The following TCTN1 variants were observed in gnomAD, a reference collection of about 807,000 sequenced individuals.
The protein encoded by TCTN1 is tectonic-1.
Under a neutral mutation model 65.8 loss-of-function variants are expected in TCTN1, and 58 were observed. The ratio of observed to expected loss-of-function variants is 0.88; its 90% CI spans 0.71 to 1.10. TCTN1 has a LOEUF of 1.10. Ranked by LOEUF, TCTN1 falls within the 50% of genes least tolerant of loss-of-function variation. The pLI, the probability that TCTN1 is intolerant of heterozygous loss-of-function variation, is 0.00. For synonymous variants in TCTN1, 273 were observed against 289.1 expected, an observed-to-expected ratio of 0.94 and a Z score of 0.57; for missense variants, 645 against 719.4, an observed-to-expected ratio of 0.90 and a Z score of 1.18.
chr12:110,619,768 TG>T, intron 1 of TCTN1, 67 bp from the exon 2 acceptor site: 1 of 1,610,122 alleles, frequency 6.2e-7, no homozygotes, highest in Non-Finnish European at 8.5e-7. Context: ...TGGTACACTG[TG>T]GTGGCAGGGG....
At chr12:110,646,782 T>A in intron 12 of TCTN1, 1 of 237,174 alleles carries the variant, frequency 4.2e-6, no homozygotes, top group South Asian at 5.2e-5. Flanking sequence ...CATTTTAACA[T>A]GACATGCAAT....
Position 110,641,898 on chromosome 12 carries a change from A to G in TCTN1, c.1190+271A>G, listed in dbSNP as rs1471706955. 2.3e-5 allele frequency: 13 copies of G among 555,188 alleles called. No individual in the cohort carries two copies. In the East Asian group the frequency reaches 3.3e-4, roughly 14 times the overall value. 34.4% of individuals were successfully genotyped at this position (555,188 alleles called of 1,614,324 possible). On this transcript the variant is annotated intron_variant, in intron 10 of 14. Coordinates refer to ENST00000397659, the MANE Select transcript of TCTN1 (RefSeq NM_001082538.3). ...ATCTCCTTTTTTTTTTCAGCCTGCC[A>G]TTAAGCCACAAAATATGTCAGTGTT...
intron 5 of TCTN1, among the ~76,000 whole-genome samples, chr12:110,634,047 G>T (rs1204616879): frequency 6.6e-6 from 1 of 152,158 alleles, no homozygotes; most frequent in Non-Finnish European, 1.5e-5. Flanking sequence ...CCCAAGAAAG[G>T]AGGAGCTGCT....
intron 11 of TCTN1, chr12:110,643,629 C>G (rs2067108334): frequency 6.6e-6 from 1 of 152,170 alleles, no homozygotes; most frequent in African/African-American, 2.4e-5. Flanking sequence ...CCCACATCTT[C>G]CCAGGGTCAT....
chr12:110,637,436 G>T (rs1427513025), intron 7 of TCTN1, among the ~76,000 whole-genome samples: 2 of 152,252 alleles, frequency 1.3e-5, no homozygotes, highest in East Asian at 3.8e-4. Context: ...ACACAACGGT[G>T]TGTGAGGCTG....
At chr12:110,624,847 G>A (rs12304823) in intron 2 of TCTN1, among the ~76,000 whole-genome samples, 2,889 of 152,310 alleles carry the variant, frequency 0.019, 76 homozygotes, top group African/African-American at 0.066. Context: ...CTCCCAAAGT[G>A]CTGGGATTAC....
At chr12:110,642,505 CATATAGT>C in intron 11 of TCTN1, 116 bp downstream of exon 11, 1 of 1,418,596 alleles carries the variant, frequency 7.0e-7, no homozygotes, top group Non-Finnish European at 9.9e-7. Flanking sequence ...ATGAAAGCCA[CATATAGT>C]ATATCATCAT....
At chr12:110,627,511 T>C (rs1386930181) in intron 3 of TCTN1, among the ~76,000 whole-genome samples, 1 of 152,248 alleles carries the variant, frequency 6.6e-6, no homozygotes, top group Non-Finnish European at 1.5e-5. Context: ...ATGCACATTT[T>C]CTTTAAAAGT....
chr12:110,644,917 G>C lies in TCTN1; in HGVS notation c.1332-50G>C. ...AGGAAGAAGAAAATGAAAAACTGCT[G>C]GTGGATGAACAACAGCCTCATTCAG... On this transcript the variant is annotated intron_variant, in intron 11 of 14. Transcript: ENST00000397659. The surrounding 1 kb of genome is among the most constrained non-coding windows in gnomAD (Gnocchi z 4.6). 1 of 1,610,958 alleles carries C rather than the reference G, an allele frequency of 6.2e-7. No homozygotes were observed. Among genetic ancestry groups the C allele is most frequent in the Non-Finnish European group, 8.5e-7 (1 of 1,177,376 alleles).
chr12:110,642,183 C>T (rs919555423), intron 10 of TCTN1, 66 bp from the exon 11 acceptor site: 4 of 1,607,624 alleles, frequency 2.5e-6, no homozygotes, highest in Non-Finnish European at 3.4e-6. Context: ...ACAAGTGACA[C>T]TGTCTTCTTA....
In TCTN1 at chr12:110,647,894, G is replaced by T; in HGVS notation, c.*1+1G>T. On this transcript the variant is annotated splice_donor_variant, in intron 14 of 14. Coordinates refer to ENST00000397659, the MANE Select transcript of TCTN1 (RefSeq NM_001082538.3). LOFTEE classifies it low-confidence loss of function (3UTR_SPLICE). ...AACTTCTTCTTCCCGTTTGTTTGAC[G>T]TAAGTGAGGAAACTACGCCCCTCCT... 1.9e-6 allele frequency: 3 copies of T among 1,613,174 alleles called. No homozygotes were observed. The South Asian group carries it at 3.3e-5, about 18-fold the overall frequency.
At chr12:110,632,651 T>C (rs1322953669) in intron 5 of TCTN1, 92 bp downstream of exon 5, 4 of 1,353,750 alleles carry the variant, frequency 3.0e-6, no homozygotes, top group Non-Finnish European at 4.2e-6. Flanking sequence ...TTAAAAGTAA[T>C]GACCAAAATC....
chr12:110,648,180 A>G lies in TCTN1; in HGVS notation c.*1+287A>G, dbSNP rs12313203. On this transcript the variant is annotated intron_variant, in intron 14 of 14. Transcript: ENST00000397659. ...GAGATGGGGTCTTGCTGTGTTGACC[A>G]GGCTGGTCTCAAACTCCTGGGCTCA... Among the ~76,000 whole-genome samples, 30,412 of 152,012 alleles carry G rather than the reference A, an allele frequency of 0.2. 3,334 individuals carry two copies. The highest frequency in any genetic ancestry group is 0.29 in the Admixed American group (4,356 of 15,264).
At chr12:110,626,077 TTTTCTTTCTTTC>T (rs1225125929) in intron 2 of TCTN1, among the ~76,000 whole-genome samples, 4 of 150,848 alleles carry the variant, frequency 2.7e-5, no homozygotes, top group Non-Finnish European at 4.4e-5. Flanking sequence ...ATGCTTTCTT[TTTTCTTTCTTTC>T]TTTCTTTTTT....
chr12:110,620,088 T>C, intron 2 of TCTN1, 132 bp downstream of exon 2: 7 of 1,372,692 alleles, frequency 5.1e-6, no homozygotes, highest in Non-Finnish European at 7.2e-6. Context: ...TCTGAAGCCA[T>C]ACCGTCCAAA....
In TCTN1 at chr12:110,641,528, G is replaced by A. The variant is rs2066951441; in HGVS notation, c.1105-14G>A. 3.7e-6 allele frequency: 6 copies of A among 1,611,544 alleles called. No individual in the cohort carries two copies. The highest frequency in any genetic ancestry group is 5.1e-6 in the Non-Finnish European group (6 of 1,177,602). The stretch of plus-strand genomic sequence containing the variant: ...ATGAGAATTATTTGGGGGCATTTCT[G>A]CATTGTCTTTCAGGAAAATACCCAG... On this transcript the variant is annotated splice_polypyrimidine_tract_variant and intron_variant, in intron 9 of 14. Coordinates refer to ENST00000397659, the MANE Select transcript of TCTN1 (RefSeq NM_001082538.3).
intron 3 of TCTN1, chr12:110,627,899 T>G: frequency 1.5e-6 from 1 of 673,064 alleles, no homozygotes; most frequent in Non-Finnish European, 2.5e-6. Flanking sequence ...CTTTATAGAT[T>G]TTGGTTTTGT....
At chr12:110,648,886 C>T in intron 14 of TCTN1, 157 bp from the exon 15 acceptor site, 1 of 386,126 alleles carries the variant, frequency 2.6e-6, no homozygotes, top group Non-Finnish European at 5.0e-6. Flanking sequence ...ACAATGGAGC[C>T]ACCTAGAAGC....
At position 110,627,547 on chromosome 12, in the gene TCTN1, G is replaced by A. The variant is rs1337715540; in HGVS notation, c.472+1055G>A. On this transcript the variant is annotated intron_variant, in intron 3 of 14. Coordinates refer to ENST00000397659, the MANE Select transcript of TCTN1 (RefSeq NM_001082538.3). Reference sequence around the variant, plus strand: ...AATTATGATTGTGTAGTTGTCTTTCGAAACCGTATACTTATCTTAAAAGTG... The same window carrying A: ...AATTATGATTGTGTAGTTGTCTTTCAAAACCGTATACTTATCTTAAAAGTG... Among the ~76,000 whole-genome samples, 8 of 152,092 alleles carry A rather than the reference G, an allele frequency of 5.3e-5. No individual in the cohort carries two copies. In the South Asian group the frequency reaches 6.2e-4, roughly 12 times the overall value.
Sources: gnomAD v4.1 joint callset for allele counts (sites outside exome capture counted in the v4.1 genomes callset) on GRCh38, gnomAD v4.1.1 for gene constraint, Gnocchi (gnomAD v3.1) non-coding constraint, MANE v1.5 for transcripts, NCBI Gene and HGNC (gene_info 2026-07-23, HGNC 2026-07-21) for gene names.